FBXO22: variants seen among roughly 807,000 people sequenced by gnomAD.
The protein encoded by FBXO22 is F-box protein 22, also known as F-box only protein 22.
FBXO22 carries 13 observed loss-of-function variants against 37.2 expected under a neutral mutation model. That is an observed-to-expected ratio of 0.35 (90% CI 0.23 to 0.56). The LOEUF is 0.56. Among genes scored for constraint, FBXO22 ranks in the 20% least tolerant of loss-of-function variants. The pLI, the probability that FBXO22 is intolerant of heterozygous loss-of-function variation, is 0.87. For missense variants in FBXO22, 446 were observed against 509.9 expected, an observed-to-expected ratio of 0.87 and a Z score of 1.21; for synonymous variants, 189 against 189.1, an observed-to-expected ratio of 1.00 and a Z score of 0.00.
chr15:75,928,446 G>C (rs1567056269), intron 5 of FBXO22, among the ~76,000 whole-genome samples: 1 of 152,188 alleles, frequency 6.6e-6, no homozygotes, highest in Non-Finnish European at 1.5e-5. Flanking sequence ...CATGGATGGA[G>C]CTGGAGGCCA....
intron 5 of FBXO22, among the ~76,000 whole-genome samples, chr15:75,925,584 A>C (rs892525542): frequency 2.6e-5 from 4 of 151,840 alleles, no homozygotes; most frequent in Non-Finnish European, 5.9e-5. Context: ...TGAAGCAGAG[A>C]GAATCAGTGC....
At chr15:75,927,206 C>T (rs974800579) in intron 5 of FBXO22, among the ~76,000 whole-genome samples, 4 of 152,160 alleles carry the variant, frequency 2.6e-5, no homozygotes, top group Non-Finnish European at 4.4e-5. Context: ...GATGGTGCTT[C>T]GCTTGACTCA....
At chr15:75,911,793 A>G (rs1900058287) in intron 2 of FBXO22, among the ~76,000 whole-genome samples, 1 of 150,810 alleles carries the variant, frequency 6.6e-6, no homozygotes, top group Admixed American at 6.6e-5. Context: ...AGAACCTCCA[A>G]TACTATGTTG....
chr15:75,932,780 G>C lies in FBXO22; in HGVS notation c.890G>C (p.Ser297Thr). ...ACTGTGCTCCTCAACGAGGACGTCA[G>C]TGATGAGAAGACTGCTGAGGCTGCG... ...SATVLLNEDV[S>T]DEKTAEAAMQ... Residue 297 changes from serine to threonine, a missense_variant, in exon 7 of 7, where the codon AGT (serine) becomes ACT (threonine). Physicochemically the swap from Ser to Thr is moderately conservative, Grantham distance 58. Coordinates refer to ENST00000308275, the MANE Select transcript of FBXO22 (RefSeq NM_147188.3). 1 of 1,614,264 alleles carries C rather than the reference G, an allele frequency of 6.2e-7. No homozygotes were observed. Among genetic ancestry groups the C allele is most frequent in the South Asian group, 1.1e-5 (1 of 91,090 alleles).
rs2030772897 is a variant in FBXO22, at chr15:75,940,019, AAAAAG to A, written c.*6924_*6928del. ...TACTAGGAGTTCTAGCCTGAGCTAG[AAAAAG>A]AAAAGACATCTAAGTTGGAAAGTAA... On this transcript the variant is annotated 3_prime_UTR_variant, in exon 7 of 7. Transcript: ENST00000308275. 6.6e-6 allele frequency: 1 copy of A among 152,132 alleles called. No homozygotes were observed. Among genetic ancestry groups the A allele is most frequent in the South Asian group, 2.1e-4 (1 of 4,826 alleles). 9.4% of individuals were successfully genotyped at this position (152,132 alleles called of 1,614,324 possible). A position where few individuals can be genotyped will look rare whatever the true frequency, so the allele number is the denominator to read the frequency against.
Position 75,936,755 on chromosome 15 carries a change from G to T in FBXO22, c.*3653G>T, listed in dbSNP as rs2030380412. 1 of 151,810 alleles carries T rather than the reference G, an allele frequency of 6.6e-6. No homozygotes were observed. The highest frequency in any genetic ancestry group is 2.4e-5 in the African/African-American group (1 of 41,238). The allele number at this position is 151,810 out of a possible 1,614,324, so 9.4% of individuals were successfully genotyped here. A position where few individuals can be genotyped will look rare whatever the true frequency, so the allele number is the denominator to read the frequency against. On this transcript the variant is annotated 3_prime_UTR_variant, in exon 7 of 7. Coordinates refer to ENST00000308275, the MANE Select transcript of FBXO22 (RefSeq NM_147188.3). ...ATGCCTGGCTAATTTTGTATTTTTA[G>T]TAGAGATGGGGTTTCTCTGTGTTGG...
intron 2 of FBXO22, among the ~76,000 whole-genome samples, chr15:75,910,041 T>A (rs1385290920): frequency 6.6e-6 from 1 of 152,204 alleles, no homozygotes; most frequent in African/African-American, 2.4e-5. Context: ...CCTGTGTTAG[T>A]TTGCTGAAAA....
intron 2 of FBXO22, among the ~76,000 whole-genome samples, chr15:75,905,070 G>T (rs890539837): frequency 1.3e-5 from 2 of 151,972 alleles, no homozygotes; most frequent in Non-Finnish European, 2.9e-5. Context: ...TGATCCGCCC[G>T]CCTCGGCCTC....
rs879871273 is a variant in FBXO22 at position 75,940,233 on chromosome 15, C to A, written c.*7131C>A. 1.3e-5 allele frequency: 2 copies of A among 151,890 alleles called. No homozygotes were observed. The highest frequency in any genetic ancestry group is 2.9e-5 in the Non-Finnish European group (2 of 67,904). The allele number at this position is 151,890 out of a possible 1,614,324, so 9.4% of individuals were successfully genotyped here. A position where few individuals can be genotyped will look rare whatever the true frequency, so the allele number is the denominator to read the frequency against. On this transcript the variant is annotated 3_prime_UTR_variant, in exon 7 of 7. Coordinates refer to ENST00000308275, the MANE Select transcript of FBXO22 (RefSeq NM_147188.3). The stretch of plus-strand genomic sequence containing the variant: ...CTGAGAAGGAAATTACAAGAACAGT[C>A]CCATTTACCATAGCGTCAAAAAGAA...
chr15:75,926,508 G>A (rs957946425), intron 5 of FBXO22, among the ~76,000 whole-genome samples: 3 of 152,150 alleles, frequency 2.0e-5, no homozygotes, highest in Non-Finnish European at 4.4e-5. Context: ...ATTAGGAGGG[G>A]GAAGTGTTCC....
In FBXO22 at chr15:75,903,949, G is replaced by A; in HGVS notation, c.-15G>A. ...CCGAGCCGCCGTAGGACTGGTTCCG[G>A]CGGGCTGGTGAGGAATGGAGCCGGT... is the stretch of plus-strand genomic sequence containing the variant. On this transcript the variant is annotated 5_prime_UTR_variant, in exon 1 of 7. Transcript: ENST00000308275. The A allele has an allele frequency of 3.3e-6, 5 of 1,535,148 alleles. No homozygotes were observed. The highest frequency in any genetic ancestry group is 1.2e-5 in the South Asian group (1 of 82,526).
intron 2 of FBXO22, among the ~76,000 whole-genome samples, chr15:75,908,853 G>T (rs185564976): frequency 3.9e-5 from 6 of 152,344 alleles, no homozygotes; most frequent in African/African-American, 1.4e-4. Context: ...TGAAAATGCT[G>T]TGTGGACCAA....
chr15:75,928,365 A>G (rs567820722), intron 5 of FBXO22, among the ~76,000 whole-genome samples: 2 of 152,344 alleles, frequency 1.3e-5, no homozygotes, highest in African/African-American at 4.8e-5. Context: ...CCCATCAGTG[A>G]TAAACTGGAT....
chr15:75,924,686 C>T (rs1014584517), intron 5 of FBXO22, among the ~76,000 whole-genome samples: 5 of 151,774 alleles, frequency 3.3e-5, no homozygotes, highest in African/African-American at 1.2e-4. Flanking sequence ...CCTGGCAGCT[C>T]TACAGTGCCT....
chr15:75,921,691 A>G (rs1034712146), intron 5 of FBXO22, among the ~76,000 whole-genome samples: 13 of 152,204 alleles, frequency 8.5e-5, no homozygotes, highest in African/African-American at 3.1e-4. Flanking sequence ...CTTTAATAAT[A>G]AATTAACTTT....
rs1057390565 is a variant in FBXO22, at chr15:75,909,301, T to C, written c.280-3902T>C. The stretch of plus-strand genomic sequence containing the variant: ...AAAGGTTTTGGAGAGGAGGTGGCAC[T>C]TAAGGTGTCTCTAGAGGGAAACAGT... On this transcript the variant is annotated intron_variant, in intron 2 of 6. Transcript: ENST00000308275. Among the ~76,000 whole-genome samples, 2 of 152,284 alleles carry C rather than the reference T, an allele frequency of 1.3e-5. 1 individual carries two copies. Among genetic ancestry groups the C allele is most frequent in the East Asian group, 3.9e-4 (2 of 5,184 alleles).
intron 2 of FBXO22, among the ~76,000 whole-genome samples, chr15:75,907,545 T>G (rs1899956687): frequency 6.6e-6 from 1 of 152,144 alleles, no homozygotes; most frequent in South Asian, 2.1e-4. Flanking sequence ...AGTTATCTAG[T>G]GGACATGGGT....
chr15:75,910,721 C>A, intron 2 of FBXO22, among the ~76,000 whole-genome samples: 1 of 152,266 alleles, frequency 6.6e-6, no homozygotes, highest in South Asian at 2.1e-4. Flanking sequence ...GTTGCCTGTT[C>A]ACTCTGATGA....
rs1325528167 is a variant in FBXO22, at chr15:75,933,889, T to C, written c.*787T>C. 1 of 158,710 alleles carries C rather than the reference T, an allele frequency of 6.3e-6. No homozygotes were observed. The highest frequency in any genetic ancestry group is 6.5e-5 in the Admixed American group (1 of 15,320). The allele number at this position is 158,710 out of a possible 1,614,324, so 9.8% of individuals were successfully genotyped here. A position where few individuals can be genotyped will look rare whatever the true frequency, so the allele number is the denominator to read the frequency against. ...ACAAAGGAAGTAAACTAATCCTTTATAAATGAAAACCCAGAATAGTTGGTA... is the reference window on the plus strand; with the variant it reads ...ACAAAGGAAGTAAACTAATCCTTTACAAATGAAAACCCAGAATAGTTGGTA... On this transcript the variant is annotated 3_prime_UTR_variant, in exon 7 of 7. Transcript: ENST00000308275.
Sources: allele counts gnomAD v4.1 joint callset (sites outside exome capture counted in the v4.1 genomes callset), GRCh38; gene constraint gnomAD v4.1.1; transcripts MANE v1.5; gene names NCBI Gene and HGNC (gene_info 2026-07-23, HGNC 2026-07-21).